MEIS1: variants seen among roughly 807,000 people sequenced by gnomAD.
MEIS1 encodes the protein Meis homeobox 1.
In MEIS1, 5 loss-of-function variants were observed where a neutral mutation model predicts 50.8. The observed-to-expected ratio is 0.10, with a 90% CI of 0.05 to 0.21. The LOEUF is 0.21. Among genes scored for constraint, MEIS1 ranks in the 10% least tolerant of loss-of-function variants. The pLI is 1.00. For missense variants in MEIS1, 318 were observed against 517.3 expected, an observed-to-expected ratio of 0.61 and a Z score of 3.74; for synonymous variants, 176 against 179.3, an observed-to-expected ratio of 0.98 and a Z score of 0.15.
At chr2:66,530,485 C>A (rs113634881) in intron 8 of MEIS1, among the ~76,000 whole-genome samples, 4 of 151,844 alleles carry the variant, frequency 2.6e-5, no homozygotes, top group Middle Eastern at 3.4e-3. Context: ...GAGGCCGAGG[C>A]GGGCGGATCA....
intron 6 of MEIS1, chr2:66,443,373 G>C (rs1211988463): frequency 3.8e-6 from 1 of 259,784 alleles, no homozygotes. Context: ...TCTGATTGTA[G>C]GGGCTTTGTT....
intron 7 of MEIS1, among the ~76,000 whole-genome samples, chr2:66,500,057 T>C (rs548720989): frequency 6.6e-6 from 1 of 152,338 alleles, no homozygotes; most frequent in East Asian, 1.9e-4. Context: ...TACAAAGCTC[T>C]CAGCCTACAA....
At chr2:66,443,750 T>G (rs1020675518) in intron 6 of MEIS1, 1 of 152,452 alleles carries the variant, frequency 6.6e-6, no homozygotes, top group Non-Finnish European at 1.5e-5. Flanking sequence ...CTCTGGGCCC[T>G]CTGGGTTGGC....
chr2:66,562,980 C>T (rs1431206160), intron 9 of MEIS1, among the ~76,000 whole-genome samples: 1 of 152,086 alleles, frequency 6.6e-6, no homozygotes, highest in African/African-American at 2.4e-5. Flanking sequence ...AAAAGATTTA[C>T]TTTTTCAAGA....
At chr2:66,523,226 T>C (rs1674169661) in intron 8 of MEIS1, among the ~76,000 whole-genome samples, 2 of 152,172 alleles carry the variant, frequency 1.3e-5, no homozygotes, top group Non-Finnish European at 2.9e-5. Context: ...TTAAAGCAAA[T>C]GCTAGAAAAA....
chr2:66,507,066 G>A (rs1440833736), intron 7 of MEIS1, among the ~76,000 whole-genome samples: 4 of 152,124 alleles, frequency 2.6e-5, no homozygotes, highest in Non-Finnish European at 4.4e-5. Context: ...TTCATGTTGG[G>A]CTTTCTTTTT....
chr2:66,435,531 C>CT lies in MEIS1; in HGVS notation c.-318dup, dbSNP rs1330349826. ...TTGGTAGTTGGGTCTGAGGGGCGCT[C>CT]TTTTTTTTCCTTTTCTTTCTTTCTT... On this transcript the variant is annotated 5_prime_UTR_variant, in exon 1 of 13. Transcript: ENST00000272369. The CT allele has an allele frequency of 5.9e-5, 22 of 370,688 alleles. No individual in the cohort carries two copies. Among genetic ancestry groups the CT allele is most frequent in the South Asian group, 4.6e-4 (4 of 8,670 alleles). The allele number at this position is 370,688 out of a possible 1,614,324, so 23.0% of individuals were successfully genotyped here.
At position 66,513,879 on chromosome 2, in the gene MEIS1, A is replaced by G. The variant is rs185679339; in HGVS notation, c.888+1585A>G. Reference sequence around the variant, plus strand: ...GAGGATTATCAATCACTAATGAACTAGGGGAAAGAGGACTCAGGTCTTGAG... The same window carrying G: ...GAGGATTATCAATCACTAATGAACTGGGGGAAAGAGGACTCAGGTCTTGAG... On this transcript the variant is annotated intron_variant, in intron 8 of 12. Transcript: ENST00000272369. Among the ~76,000 whole-genome samples, 1,178 of 152,304 alleles carry G rather than the reference A, an allele frequency of 7.7e-3. 15 individuals are homozygous for G. The highest frequency in any genetic ancestry group is 0.027 in the African/African-American group (1,119 of 41,570).
At chr2:66,540,327 T>A (rs958807634) in intron 8 of MEIS1, among the ~76,000 whole-genome samples, 15 of 152,332 alleles carry the variant, frequency 9.8e-5, no homozygotes, top group Admixed American at 3.9e-4. Context: ...GTTTTGTTTT[T>A]TGTTTTTTGA....
At chr2:66,549,146 T>G (rs182621179) in intron 9 of MEIS1, among the ~76,000 whole-genome samples, 84 of 152,328 alleles carry the variant, frequency 5.5e-4, no homozygotes, top group African/African-American at 2.0e-3. Flanking sequence ...TAATCCCATG[T>G]ATTCTTCAAT....
chr2:66,519,384 A>G (rs1674055586), intron 8 of MEIS1, among the ~76,000 whole-genome samples: 1 of 152,118 alleles, frequency 6.6e-6, no homozygotes, highest in Non-Finnish European at 1.5e-5. Flanking sequence ...GAGCACTTTC[A>G]CTTCAGTATT....
At chr2:66,505,312 C>A (rs7603360) in intron 7 of MEIS1, among the ~76,000 whole-genome samples, 78,243 of 151,908 alleles carry the variant, frequency 0.52, 22,128 homozygotes, top group African/African-American at 0.76. Context: ...AGGCTGAGGC[C>A]TGAAGATCCC....
intron 7 of MEIS1, among the ~76,000 whole-genome samples, chr2:66,485,500 T>C (rs1369394005): frequency 4.6e-5 from 7 of 152,104 alleles, no homozygotes; most frequent in Non-Finnish European, 7.4e-5. Flanking sequence ...TATCCTACAT[T>C]GATGGGCATT....
chr2:66,489,802 T>G (rs1321180428), intron 7 of MEIS1, among the ~76,000 whole-genome samples: 2 of 152,344 alleles, frequency 1.3e-5, no homozygotes, highest in East Asian at 3.9e-4. Flanking sequence ...TAAGAAATAA[T>G]GAAGTAAAAC....
intron 12 of MEIS1, chr2:66,570,657 G>C (rs909926356): frequency 6.6e-6 from 1 of 152,600 alleles, no homozygotes; most frequent in Non-Finnish European, 1.5e-5. Flanking sequence ...CCATGCAGAA[G>C]ACAAGAGGCC....
At chr2:66,500,326 A>T (rs1673519993) in intron 7 of MEIS1, among the ~76,000 whole-genome samples, 1 of 152,234 alleles carries the variant, frequency 6.6e-6, no homozygotes. Flanking sequence ...CAGTGTAGGC[A>T]TCAGGATTTG....
At chr2:66,520,915 A>G (rs1279149133) in intron 8 of MEIS1, among the ~76,000 whole-genome samples, 1 of 152,212 alleles carries the variant, frequency 6.6e-6, no homozygotes, top group African/African-American at 2.4e-5. Flanking sequence ...TCTCAAACAC[A>G]CAGCAAATCA....
intron 7 of MEIS1, among the ~76,000 whole-genome samples, chr2:66,498,034 C>T (rs758413053): frequency 1.3e-5 from 2 of 151,570 alleles, no homozygotes; most frequent in Non-Finnish European, 2.9e-5. Flanking sequence ...AAATGGTATG[C>T]CATGTTAGGA....
At chr2:66,524,727 A>T (rs1674207797) in intron 8 of MEIS1, among the ~76,000 whole-genome samples, 1 of 152,178 alleles carries the variant, frequency 6.6e-6, no homozygotes, top group Admixed American at 6.5e-5. Flanking sequence ...TTTTACACAA[A>T]TATTTCATGA....
Sources: gnomAD v4.1 joint callset for allele counts (sites outside exome capture counted in the v4.1 genomes callset) on GRCh38, gnomAD v4.1.1 for gene constraint, MANE v1.5 for transcripts, NCBI Gene and HGNC (gene_info 2026-07-23, HGNC 2026-07-21) for gene names.